PLXNA4: variants seen among roughly 807,000 people sequenced by gnomAD.
PLXNA4 encodes the protein plexin-A4.
In PLXNA4, 44 loss-of-function variants were observed where a neutral mutation model predicts 191.8. The observed-to-expected ratio is 0.23, with a 90% CI of 0.18 to 0.29. The LOEUF (loss-of-function observed/expected upper bound fraction) is 0.29. Among genes scored for constraint, PLXNA4 ranks in the 10% least tolerant of loss-of-function variants. The probability of loss-of-function intolerance (pLI) is 1.00; values close to 1 mark genes in which losing one functional copy is unlikely to be tolerated. For missense variants in PLXNA4, 1,800 were observed against 2,488.8 expected (o/e 0.72, Z 5.89); for synonymous variants, 1,082 against 1,009.5 (o/e 1.07, Z -1.36).
chr7:132,289,526 T>A (rs994251266), intron 4 of PLXNA4, among the ~76,000 whole-genome samples: 9 of 152,200 alleles, frequency 5.9e-5, no homozygotes, highest in African/African-American at 1.7e-4. Context: ...TTTAAAAAAA[T>A]TTATTTTTAT....
At chr7:132,221,436 G>A (rs530769462) in intron 9 of PLXNA4, among the ~76,000 whole-genome samples, 1 of 152,252 alleles carries the variant, frequency 6.6e-6, no homozygotes, top group African/African-American at 2.4e-5. Flanking sequence ...CTCCCATCAA[G>A]TTATTTGCAG....
At chr7:132,209,889 C>T (rs568224763) in intron 10 of PLXNA4, among the ~76,000 whole-genome samples, 1 of 152,318 alleles carries the variant, frequency 6.6e-6, no homozygotes, top group Non-Finnish European at 1.5e-5. Context: ...TGACCTTGAG[C>T]AAGTCACTTA....
intron 3 of PLXNA4, among the ~76,000 whole-genome samples, chr7:132,380,612 T>C (rs772840101): frequency 2.0e-5 from 3 of 152,072 alleles, no homozygotes; most frequent in Non-Finnish European, 2.9e-5. Context: ...CAGACAGCAG[T>C]CCTCCACAGA....
At chr7:132,169,183 A>G (rs1796210143) in intron 21 of PLXNA4, among the ~76,000 whole-genome samples, 1 of 152,244 alleles carries the variant, frequency 6.6e-6, no homozygotes, top group South Asian at 2.1e-4. Context: ...AAGAGTCTCT[A>G]AAGAACTTCC....
intron 3 of PLXNA4, among the ~76,000 whole-genome samples, chr7:132,437,095 G>A (rs868627936): frequency 7.9e-5 from 12 of 152,214 alleles, no homozygotes; most frequent in Non-Finnish European, 1.0e-4. Context: ...CATGCCCAGG[G>A]AGCAGCCTTA....
chr7:132,277,428 G>C (rs1372949213), intron 4 of PLXNA4, among the ~76,000 whole-genome samples: 2 of 152,186 alleles, frequency 1.3e-5, no homozygotes, highest in African/African-American at 4.8e-5. Flanking sequence ...ATAAGCCCTG[G>C]TGTCTGCCCT....
Position 132,127,016 on chromosome 7 carries a change from CT to C in PLXNA4, c.*3462del, listed in dbSNP as rs11343554. On this transcript the variant is annotated 3_prime_UTR_variant, in exon 32 of 32. Transcript: ENST00000321063. ...GACAAAGAATGGGTAAAAGCTGCAT[CT>C]GGGGGGACTTGTGGCCAGGAGAAAT... The C allele has an allele frequency of 0.12, 18,280 of 152,180 alleles. 2,145 individuals carry two copies. Among genetic ancestry groups the C allele is most frequent in the African/African-American group, 0.31 (12,698 of 41,450 alleles). The allele number at this position is 152,180 out of a possible 1,614,324, so 9.4% of individuals were successfully genotyped here.
chr7:132,563,295 T>C (rs1585350026), intron 1 of PLXNA4, among the ~76,000 whole-genome samples: 1 of 101,206 alleles, frequency 9.9e-6, no homozygotes, highest in Non-Finnish European at 2.0e-5. Flanking sequence ...TCCTCCTCCT[T>C]TCTCTTCCTC....
chr7:132,478,150 C>T (rs1797202601), intron 3 of PLXNA4, among the ~76,000 whole-genome samples: 1 of 152,058 alleles, frequency 6.6e-6, no homozygotes, highest in African/African-American at 2.4e-5. Context: ...CAAGTTCAGG[C>T]CCACCTAGGG....
At chr7:132,471,078 C>T (rs892483690) in intron 3 of PLXNA4, among the ~76,000 whole-genome samples, 6 of 152,158 alleles carry the variant, frequency 3.9e-5, no homozygotes, top group East Asian at 1.9e-4. Context: ...CCGCTTGGTG[C>T]GGTTTTTGTG....
At chr7:132,250,066 C>A (rs888097485) in intron 4 of PLXNA4, among the ~76,000 whole-genome samples, 4 of 152,166 alleles carry the variant, frequency 2.6e-5, no homozygotes, top group Non-Finnish European at 5.9e-5. Flanking sequence ...GAAAAACAGA[C>A]CTGGGTTTGG....
intron 3 of PLXNA4, among the ~76,000 whole-genome samples, chr7:132,474,139 A>G (rs762346414): frequency 5.3e-5 from 8 of 152,018 alleles, no homozygotes; most frequent in South Asian, 2.1e-4. Flanking sequence ...ATGCAAAGGC[A>G]GCATTAGCAG....
At chr7:132,230,378 C>T (rs1434472347) in intron 5 of PLXNA4, among the ~76,000 whole-genome samples, 1 of 152,212 alleles carries the variant, frequency 6.6e-6, no homozygotes, top group Non-Finnish European at 1.5e-5. Flanking sequence ...CAAACATTTT[C>T]CCCTCAATCT....
chr7:132,438,412 C>T (rs1476369207), intron 3 of PLXNA4, among the ~76,000 whole-genome samples: 1 of 152,026 alleles, frequency 6.6e-6, no homozygotes, highest in Non-Finnish European at 1.5e-5. Context: ...GATCTCAGGT[C>T]TAAAATGACA....
At chr7:132,517,019 C>A (rs1798968666) in intron 1 of PLXNA4, among the ~76,000 whole-genome samples, 1 of 152,138 alleles carries the variant, frequency 6.6e-6, no homozygotes. Context: ...TTCTAGAGGC[C>A]CCTCTAGCTG....
intron 2 of PLXNA4, among the ~76,000 whole-genome samples, chr7:132,494,934 C>G (rs1797949600): frequency 6.6e-6 from 1 of 152,174 alleles, no homozygotes; most frequent in Admixed American, 6.5e-5. Context: ...TGGAGACTCC[C>G]TGGGAAGGGC....
chr7:132,627,684 A>G (rs2116874695), intron 2 of PLXNA4, among the ~76,000 whole-genome samples: 1 of 152,294 alleles, frequency 6.6e-6, no homozygotes, highest in African/African-American at 2.4e-5. Context: ...TTTGCCCTTC[A>G]TCCCTTCCAC....
intron 1 of PLXNA4, among the ~76,000 whole-genome samples, chr7:132,551,284 C>A (rs1305585745): frequency 6.6e-6 from 1 of 152,060 alleles, no homozygotes; most frequent in Non-Finnish European, 1.5e-5. Flanking sequence ...ATTGAGAAGC[C>A]CTTAACAGGA....
At chr7:132,195,441 C>T (rs553269246) in intron 13 of PLXNA4, among the ~76,000 whole-genome samples, 59 of 152,330 alleles carry the variant, frequency 3.9e-4, no homozygotes, top group Middle Eastern at 3.4e-3. Flanking sequence ...ACACACACAT[C>T]CTTAGGCATT....
Sources: allele counts gnomAD v4.1 joint callset (sites outside exome capture counted in the v4.1 genomes callset), GRCh38; gene constraint gnomAD v4.1.1; transcripts MANE v1.5; gene names NCBI Gene and HGNC (gene_info 2026-07-23, HGNC 2026-07-21).